Variants in ZMYND8 observed in about 807,000 individuals in gnomAD.
ZMYND8 encodes the protein zinc finger MYND-type containing 8.
Under a neutral mutation model 140.8 loss-of-function variants are expected in ZMYND8, and 37 were observed. The observed-to-expected ratio is 0.26, with a 90% CI of 0.20 to 0.35. The LOEUF is 0.35. ZMYND8 is among the 10% of genes least tolerant of loss of function. ZMYND8 has a pLI of 1.00. For missense variants in ZMYND8, 1,068 were observed against 1,570.0 expected, an observed-to-expected ratio of 0.68 and a Z score of 5.40; for synonymous variants, 592 against 597.1, an observed-to-expected ratio of 0.99 and a Z score of 0.12.
At chr20:47,211,203 A>G (rs926649313) in intron 22 of ZMYND8, among the ~76,000 whole-genome samples, 5 of 152,216 alleles carry the variant, frequency 3.3e-5, no homozygotes, top group African/African-American at 9.6e-5. Context: ...CCGTGTCTGG[A>G]ACCGTGTATC....
At chr20:47,292,014 T>C (rs2077295533) in intron 5 of ZMYND8, 126 bp from the exon 6 acceptor site, 1 of 747,600 alleles carries the variant, frequency 1.3e-6, no homozygotes, top group African/African-American at 1.8e-5. Flanking sequence ...AAGTTTTCCA[T>C]AAAGGATGAC....
chr20:47,272,058 G>T (rs1285745531), intron 11 of ZMYND8, among the ~76,000 whole-genome samples: 2 of 34,920 alleles, frequency 5.7e-5, no homozygotes, highest in South Asian at 4.7e-4. Context: ...ATAAAAAAAG[G>T]GGGGGGGGAG....
intron 1 of ZMYND8, chr20:47,355,366 C>T: frequency 1.1e-6 from 1 of 872,336 alleles, no homozygotes; most frequent in South Asian, 5.3e-5. Context: ...CTCCTGTAGC[C>T]AAGACCCACT....
At chr20:47,266,482 A>T (rs950113576) in intron 11 of ZMYND8, among the ~76,000 whole-genome samples, 1 of 152,048 alleles carries the variant, frequency 6.6e-6, no homozygotes, top group Non-Finnish European at 1.5e-5. Flanking sequence ...GGGTTTCACC[A>T]TGTTGGCCAG....
At chr20:47,267,836 G>C (rs1409863154) in intron 11 of ZMYND8, among the ~76,000 whole-genome samples, 1 of 152,226 alleles carries the variant, frequency 6.6e-6, no homozygotes, top group East Asian at 1.9e-4. Flanking sequence ...TTGTGCCTGA[G>C]GTTCCCAAGG....
rs773348194 is a variant in ZMYND8 at position 47,238,780 on chromosome 20, A to G, written c.2643T>C (p.Tyr881=). 4.3e-6 allele frequency: 7 copies of G among 1,612,024 alleles called. No individual in the cohort carries two copies. The highest frequency in any genetic ancestry group is 1.3e-5 in the African/African-American group (1 of 74,706). Residue 881 remains tyrosine, a synonymous_variant, in exon 15 of 23, where the codon TAT becomes TAC. Coordinates refer to ENST00000471951, the MANE Select transcript of ZMYND8 (RefSeq NM_001281775.3). The stretch of plus-strand genomic sequence containing the variant: ...TACCTTTCACAGCCTGTCTGGTCTG[A>G]TATCTCGTCCCCTGGGAAGACTGAG... The part of the protein sequence containing the change: ...QQPQSSQGTR[Y]QTRQAVKAVQ...
chr20:47,333,299 T>C (rs191439849), intron 2 of ZMYND8, among the ~76,000 whole-genome samples: 30 of 151,828 alleles, frequency 2.0e-4, no homozygotes, highest in Middle Eastern at 3.4e-3. Flanking sequence ...GAGGACACCA[T>C]TGCACTCCAG....
intron 10 of ZMYND8, among the ~76,000 whole-genome samples, chr20:47,278,289 G>A (rs1377330058): frequency 6.6e-6 from 1 of 152,164 alleles, no homozygotes; most frequent in Non-Finnish European, 1.5e-5. Context: ...AACCTCCAAG[G>A]TGGCCTTTTA....
intron 2 of ZMYND8, among the ~76,000 whole-genome samples, chr20:47,318,001 A>AT (rs1228392555): frequency 2.6e-5 from 4 of 151,890 alleles, no homozygotes; most frequent in Non-Finnish European, 4.4e-5. Flanking sequence ...GGGTAACTGT[A>AT]TTTTTTTTAA....
At chr20:47,312,052 AG>A (rs2078978132) in intron 2 of ZMYND8, among the ~76,000 whole-genome samples, 1 of 152,024 alleles carries the variant, frequency 6.6e-6, no homozygotes, top group Non-Finnish European at 1.5e-5. Context: ...ATACCACAAG[AG>A]GGGTGAGCTG....
intron 7 of ZMYND8, among the ~76,000 whole-genome samples, chr20:47,287,873 C>A (rs1198998398): frequency 1.3e-5 from 2 of 152,106 alleles, no homozygotes; most frequent in Admixed American, 1.3e-4. Context: ...CACACATACA[C>A]ATTTTCTTCT....
chr20:47,341,526 C>CAAAAAAAAAAAAAAAAAAAAAAAAAAAA (rs112093006), intron 2 of ZMYND8, among the ~76,000 whole-genome samples: 2 of 56,308 alleles, frequency 3.6e-5, no homozygotes, highest in African/African-American at 5.5e-5. Flanking sequence ...GACTCCATCT[C>CAAAAAAAAAAAAAAAAAAAAAAAAAAAA]AAAAAAAAAA....
chr20:47,238,451 A>G, intron 15 of ZMYND8: 1 of 457,232 alleles, frequency 2.2e-6, no homozygotes. Context: ...TGTGGAAGGG[A>G]AGAGAATGAA....
intron 2 of ZMYND8, among the ~76,000 whole-genome samples, chr20:47,330,484 G>C (rs113209763): frequency 2.0e-5 from 3 of 151,580 alleles, no homozygotes; most frequent in Non-Finnish European, 2.9e-5. Context: ...GATTACAGGC[G>C]TGAGACACCA....
chr20:47,211,541 A>C (rs376966570), intron 22 of ZMYND8, among the ~76,000 whole-genome samples: 1 of 152,334 alleles, frequency 6.6e-6, no homozygotes, highest in East Asian at 1.9e-4. Context: ...CAAGGAGCTG[A>C]GTAGTGACTG....
In ZMYND8 at chr20:47,294,919, G is replaced by A. The variant is rs1344072873; in HGVS notation, c.454-140C>T. 7.0e-6 allele frequency: 5 copies of A among 718,220 alleles called. No homozygotes were observed. The African/African-American group carries it at 8.9e-5, about 13-fold the overall frequency. 44.5% of individuals were successfully genotyped at this position (718,220 alleles called of 1,614,324 possible). A position where few individuals can be genotyped will look rare whatever the true frequency, so the allele number is the denominator to read the frequency against. On this transcript the variant is annotated intron_variant, in intron 4 of 22. Transcript: ENST00000471951. ...GAGACTTGTTGTTTCACTTAGCAAAGACTCCTGGAACAAAATGTACCAGAT... is the reference window on the plus strand; with the variant it reads ...GAGACTTGTTGTTTCACTTAGCAAAAACTCCTGGAACAAAATGTACCAGAT...
chr20:47,289,377 C>A (rs973948230), intron 7 of ZMYND8, among the ~76,000 whole-genome samples: 1 of 152,084 alleles, frequency 6.6e-6, no homozygotes, highest in Non-Finnish European at 1.5e-5. Flanking sequence ...AATGATAGAA[C>A]CACTTTGCAA....
chr20:47,356,333 GAAA>G (rs71183243), intron 1 of ZMYND8: 52 of 1,048,426 alleles, frequency 5.0e-5, no homozygotes, highest in African/African-American at 3.2e-4. Flanking sequence ...AAGAGGGAAA[GAAA>G]AAAAAAAAAA....
Position 47,264,218 on chromosome 20 carries a change from C to T in ZMYND8, c.1481-1790G>A, listed in dbSNP as rs145499307. On this transcript the variant is annotated intron_variant, in intron 11 of 22. Coordinates refer to ENST00000471951, the MANE Select transcript of ZMYND8 (RefSeq NM_001281775.3). ...GAGGATCAATGTCGTCGATCTATGTCAATTGGCGCCGAGCAAGTGCTCAAT... is the reference window on the plus strand; with the variant it reads ...GAGGATCAATGTCGTCGATCTATGTTAATTGGCGCCGAGCAAGTGCTCAAT... 3.5e-4 allele frequency among the ~76,000 whole-genome samples: 53 copies of T among 152,350 alleles called. 2 individuals carry two copies. The East Asian group carries it at 6.4e-3, about 18-fold the overall frequency.
Sources: gnomAD v4.1 joint callset for allele counts (sites outside exome capture counted in the v4.1 genomes callset) on GRCh38, gnomAD v4.1.1 for gene constraint, MANE v1.5 for transcripts, NCBI Gene and HGNC (gene_info 2026-07-23, HGNC 2026-07-21) for gene names.